The following RAB38 variants were observed in gnomAD, a reference collection of about 807,000 sequenced individuals.
The protein encoded by RAB38 is ras-related protein Rab-38.
In RAB38, 15 loss-of-function variants were observed where a neutral mutation model predicts 18.4. The observed-to-expected ratio is 0.82, with a 90% CI of 0.55 to 1.26. RAB38 has a LOEUF of 1.26. Among genes scored for constraint, RAB38 ranks in the 50% most tolerant of loss-of-function variants. The pLI is 0.00. For missense variants in RAB38, 294 were observed against 267.4 expected (o/e 1.10, Z -0.69); for synonymous variants, 101 against 104.4 (o/e 0.97, Z 0.20).
chr11:87,818,917 A>G, the RAB38 span, among the ~76,000 whole-genome samples: 1 of 152,202 alleles, frequency 6.6e-6, no homozygotes, highest in Non-Finnish European at 1.5e-5. Context: ...CATCCATTCA[A>G]TTTTCACAAG....
chr11:87,953,765 A>G, the RAB38 span, among the ~76,000 whole-genome samples: 3 of 152,014 alleles, frequency 2.0e-5, no homozygotes, highest in Admixed American at 6.6e-5. Flanking sequence ...GTAAATGAAA[A>G]TATCTGTATT....
the RAB38 span, among the ~76,000 whole-genome samples, chr11:88,030,194 C>A: frequency 6.6e-6 from 1 of 152,130 alleles, no homozygotes; most frequent in African/African-American, 2.4e-5. Context: ...GAAAAAGACA[C>A]AATGTACCAA....
At chr11:87,934,823 A>G in the RAB38 span, among the ~76,000 whole-genome samples, 1 of 152,150 alleles carries the variant, frequency 6.6e-6, no homozygotes, top group Non-Finnish European at 1.5e-5. Flanking sequence ...AGAAAAGATG[A>G]AAAAGGAATG....
the RAB38 span, among the ~76,000 whole-genome samples, chr11:87,823,102 CAA>C: frequency 3.3e-5 from 5 of 150,904 alleles, no homozygotes; most frequent in Non-Finnish European, 5.9e-5. Flanking sequence ...TCATTATAGA[CAA>C]AAGAGTTAAT....
At chr11:88,137,969 G>C (rs992776225) in intron 2 of RAB38, among the ~76,000 whole-genome samples, 2 of 152,176 alleles carry the variant, frequency 1.3e-5, no homozygotes, top group South Asian at 2.1e-4. Context: ...AATTGTGTGA[G>C]GGTTAGAAAA....
the RAB38 span, among the ~76,000 whole-genome samples, chr11:87,928,936 G>A: frequency 6.6e-6 from 1 of 152,008 alleles, no homozygotes; most frequent in Non-Finnish European, 1.5e-5. Context: ...CCAACATGGT[G>A]AAACCCTATC....
the RAB38 span, among the ~76,000 whole-genome samples, chr11:87,962,697 G>C: frequency 6.6e-6 from 1 of 152,250 alleles, no homozygotes; most frequent in South Asian, 2.1e-4. Flanking sequence ...ATAGCACTGA[G>C]ACGTCCCTGA....
chr11:87,853,119 G>GGA, the RAB38 span, among the ~76,000 whole-genome samples: 2 of 152,180 alleles, frequency 1.3e-5, no homozygotes, highest in Admixed American at 6.5e-5. Context: ...TTAAAAGAGA[G>GGA]GATATGGTCA....
the RAB38 span, among the ~76,000 whole-genome samples, chr11:87,966,306 A>C: frequency 6.6e-6 from 1 of 152,114 alleles, no homozygotes; most frequent in Admixed American, 6.5e-5. Context: ...ATCAAGTCTG[A>C]AACTATTATA....
the RAB38 span, among the ~76,000 whole-genome samples, chr11:87,949,843 G>A: frequency 1.3e-5 from 2 of 152,288 alleles, no homozygotes; most frequent in South Asian, 2.1e-4. Flanking sequence ...GTGTGGTGTG[G>A]TGCTGAGAAG....
chr11:87,948,629 A>C, the RAB38 span, among the ~76,000 whole-genome samples: 2,960 of 150,914 alleles, frequency 0.02, 100 homozygotes, highest in African/African-American at 0.069. Flanking sequence ...TTGTGAAAGG[A>C]CTTTTCTGCA....
chr11:87,867,003 T>C, the RAB38 span, among the ~76,000 whole-genome samples: 1 of 151,772 alleles, frequency 6.6e-6, no homozygotes, highest in Non-Finnish European at 1.5e-5. Flanking sequence ...TCTGTGGCCA[T>C]TGCCTTGGAA....
At chr11:87,807,919 G>A in the RAB38 span, among the ~76,000 whole-genome samples, 1 of 152,264 alleles carries the variant, frequency 6.6e-6, no homozygotes, top group African/African-American at 2.4e-5. Flanking sequence ...AAAAATAACA[G>A]GAAGAAACAA....
chr11:88,054,415 AT>A, the RAB38 span, among the ~76,000 whole-genome samples: 1 of 152,232 alleles, frequency 6.6e-6, no homozygotes, highest in African/African-American at 2.4e-5. Context: ...CAGTGAAGCA[AT>A]TAAGTAACTT....
rs979725646 is a variant in RAB38 at position 88,138,785 on chromosome 11, T to A, written c.483+10890A>T. 1.4e-3 allele frequency among the ~76,000 whole-genome samples: 156 copies of A among 113,800 alleles called. 1 individual carries two copies. The highest frequency in any genetic ancestry group is 5.2e-3 in the African/African-American group (149 of 28,520). The allele number at this position is 113,800 out of a possible 152,430, so 74.7% of individuals were successfully genotyped here. On this transcript the variant is annotated intron_variant, in intron 2 of 2. Transcript: ENST00000243662. ...ACAATTTTTATTATTATTCTTTTTT[T>A]TTTATTATTTTTTTTGAGGCGGAGT...
the RAB38 span, among the ~76,000 whole-genome samples, chr11:87,947,221 C>T: frequency 7.2e-6 from 1 of 138,800 alleles, no homozygotes; most frequent in East Asian, 2.2e-4. Context: ...ATCCTTCACC[C>T]ACTTTTTGAT....
the RAB38 span, among the ~76,000 whole-genome samples, chr11:87,914,090 G>T: frequency 2.0e-5 from 3 of 152,034 alleles, no homozygotes; most frequent in African/African-American, 7.2e-5. Context: ...TGGGTAATGA[G>T]CAAAGGTTGA....
the RAB38 span, among the ~76,000 whole-genome samples, chr11:87,853,040 G>C: frequency 6.6e-4 from 100 of 152,236 alleles, no homozygotes; most frequent in African/African-American, 2.3e-3. Flanking sequence ...AAATTTTAAA[G>C]TCTGAATCCT....
At chr11:87,945,069 C>T in the RAB38 span, among the ~76,000 whole-genome samples, 2 of 152,132 alleles carry the variant, frequency 1.3e-5, no homozygotes, top group East Asian at 1.9e-4. Flanking sequence ...TGAAAAGACA[C>T]ATGGGTAAAT....
Sources: gnomAD v4.1 joint callset for allele counts (sites outside exome capture counted in the v4.1 genomes callset) on GRCh38, gnomAD v4.1.1 for gene constraint, MANE v1.5 for transcripts, NCBI Gene and HGNC (gene_info 2026-07-23, HGNC 2026-07-21) for gene names.